HDAC9: variants seen among roughly 807,000 people sequenced by gnomAD.
HDAC9 encodes the protein MEF-2 interacting transcription repressor (MITR) protein.
Under a neutral mutation model 139.4 loss-of-function variants are expected in HDAC9, and 41 were observed. The observed-to-expected ratio is 0.29, with a 90% CI of 0.23 to 0.38. The LOEUF is 0.38. HDAC9 is among the 10% of genes least tolerant of loss of function. The pLI is 1.00. For synonymous variants in HDAC9, 517 were observed against 476.2 expected (o/e 1.09, Z -1.12); for missense variants, 1,147 against 1,297.0 (o/e 0.88, Z 1.78).
Position 18,998,797 on chromosome 7 carries a change from T to C in HDAC9, c.*2735T>C, listed in dbSNP as rs145444836. 1.3e-5 allele frequency: 2 copies of C among 152,344 alleles called. No individual in the cohort carries two copies. The highest frequency in any genetic ancestry group is 3.9e-4 in the East Asian group (2 of 5,190). 9.4% of individuals were successfully genotyped at this position (152,344 alleles called of 1,614,324 possible). Reference sequence around the variant, plus strand: ...TCACATACGCTCTCTCATGGTCTCATGGTATCTCATACAGGGTGAATAAAA... The same window carrying C: ...TCACATACGCTCTCTCATGGTCTCACGGTATCTCATACAGGGTGAATAAAA... On this transcript the variant is annotated 3_prime_UTR_variant, in exon 26 of 26. Coordinates refer to ENST00000686413, the MANE Select transcript of HDAC9 (RefSeq NM_178425.4).
At chr7:18,441,046 A>G (rs192371346) in intron 1 of HDAC9, among the ~76,000 whole-genome samples, 13 of 152,344 alleles carry the variant, frequency 8.5e-5, no homozygotes, top group East Asian at 5.8e-4. Context: ...TGGCAATTCA[A>G]TGGACTTCTC....
chr7:18,682,572 A>C (rs969062286), intron 12 of HDAC9, among the ~76,000 whole-genome samples: 1 of 152,068 alleles, frequency 6.6e-6, no homozygotes, highest in Non-Finnish European at 1.5e-5. Context: ...ATGTTCTCTA[A>C]ATAAAATATA....
intron 25 of HDAC9, among the ~76,000 whole-genome samples, chr7:18,978,753 A>C (rs903271552): frequency 6.6e-6 from 1 of 152,210 alleles, no homozygotes; most frequent in Non-Finnish European, 1.5e-5. Context: ...TTTGTTGACT[A>C]TCTGTTTCAA....
chr7:18,861,685 T>A (rs1404678559), intron 21 of HDAC9, among the ~76,000 whole-genome samples: 1 of 152,172 alleles, frequency 6.6e-6, no homozygotes, highest in African/African-American at 2.4e-5. Flanking sequence ...TGACACATCT[T>A]AGGCAAGGAA....
chr7:18,840,891 C>G (rs557741424), intron 21 of HDAC9, among the ~76,000 whole-genome samples: 2 of 152,170 alleles, frequency 1.3e-5, no homozygotes, highest in South Asian at 4.2e-4. Context: ...ATCATGGCTT[C>G]CGGGGATTCC....
chr7:18,378,916 ATGT>A (rs1471436955), intron 1 of HDAC9, among the ~76,000 whole-genome samples: 1 of 152,112 alleles, frequency 6.6e-6, no homozygotes, highest in Admixed American at 6.6e-5. Flanking sequence ...GTTTTATCTA[ATGT>A]TGTAATTGGT....
At chr7:18,193,155 A>G (rs1790475842) in intron 2 of HDAC9, among the ~76,000 whole-genome samples, 1 of 152,200 alleles carries the variant, frequency 6.6e-6, no homozygotes, top group Admixed American at 6.5e-5. Context: ...GTCTCTGAGC[A>G]CCATGTTGGA....
intron 2 of HDAC9, among the ~76,000 whole-genome samples, chr7:18,511,027 G>A (rs917567786): frequency 1.3e-5 from 2 of 152,174 alleles, no homozygotes; most frequent in African/African-American, 2.4e-5. Context: ...GAATTTTACA[G>A]CATAGGTGTT....
At chr7:18,984,156 T>C (rs1029490362) in intron 25 of HDAC9, among the ~76,000 whole-genome samples, 7 of 152,168 alleles carry the variant, frequency 4.6e-5, no homozygotes, top group Middle Eastern at 3.2e-3. Context: ...GTAAGCTCCT[T>C]ATGAATAGAA....
At chr7:18,266,543 A>G (rs568807214) in intron 2 of HDAC9, among the ~76,000 whole-genome samples, 2 of 152,296 alleles carry the variant, frequency 1.3e-5, no homozygotes, top group South Asian at 4.1e-4. Context: ...GTCCCATCTC[A>G]TCACACAGAA....
intron 1 of HDAC9, among the ~76,000 whole-genome samples, chr7:18,143,363 G>C (rs577522024): frequency 1.3e-5 from 2 of 152,034 alleles, no homozygotes; most frequent in African/African-American, 2.4e-5. Context: ...TGATGCTTTT[G>C]GTCAGTCTGA....
intron 1 of HDAC9, among the ~76,000 whole-genome samples, chr7:18,151,367 A>T (rs764983114): frequency 1.3e-5 from 2 of 152,178 alleles, no homozygotes; most frequent in Admixed American, 1.3e-4. Context: ...GGAGTTGCAG[A>T]TACTTTTGAT....
At chr7:18,392,278 CTCTCTCTCTCTG>C (rs1242556225) in intron 1 of HDAC9, among the ~76,000 whole-genome samples, 1 of 145,502 alleles carries the variant, frequency 6.9e-6, no homozygotes, top group East Asian at 2.1e-4. Context: ...CTGTCACTCT[CTCTCTCTCTCTG>C]TCTCTCTCTC....
intron 2 of HDAC9, among the ~76,000 whole-genome samples, chr7:18,528,250 A>C (rs762178768): frequency 7.0e-6 from 1 of 143,736 alleles, no homozygotes; most frequent in Non-Finnish European, 1.5e-5. Flanking sequence ...TTTTCCATGA[A>C]GTATTTTTTT....
In HDAC9 at chr7:18,549,896, G is replaced by T. The variant is rs577728231; in HGVS notation, c.23-35385G>T. Reference sequence around the variant, plus strand: ...TCCAAAATCATTTGTTTCTACTTTTGCAGGATTTTTTTTCTTCTTCCTCCT... The same window carrying T: ...TCCAAAATCATTTGTTTCTACTTTTTCAGGATTTTTTTTCTTCTTCCTCCT... On this transcript the variant is annotated intron_variant, in intron 2 of 25. Coordinates refer to ENST00000686413, the MANE Select transcript of HDAC9 (RefSeq NM_178425.4). 2.6e-5 allele frequency among the ~76,000 whole-genome samples: 4 copies of T among 151,400 alleles called. No individual in the cohort carries two copies. The South Asian group carries it at 6.2e-4, about 24-fold the overall frequency.
chr7:18,657,400 C>G (rs1016495819), intron 11 of HDAC9, among the ~76,000 whole-genome samples: 7 of 151,996 alleles, frequency 4.6e-5, no homozygotes, highest in African/African-American at 1.2e-4. Flanking sequence ...AGACCCATTC[C>G]CAAATCATCA....
At chr7:18,720,910 G>A (rs1310742798) in intron 12 of HDAC9, among the ~76,000 whole-genome samples, 1 of 151,742 alleles carries the variant, frequency 6.6e-6, no homozygotes, top group Non-Finnish European at 1.5e-5. Flanking sequence ...TGAACTCCTG[G>A]GCTCAAGCAT....
At chr7:18,268,737 G>A (rs1796158838) in intron 2 of HDAC9, among the ~76,000 whole-genome samples, 2 of 152,114 alleles carry the variant, frequency 1.3e-5, no homozygotes, top group Non-Finnish European at 2.9e-5. Context: ...TCCAGTAATG[G>A]GGGGTGGCTG....
In HDAC9 at chr7:18,647,916, G is replaced by A. The variant is rs1485779479; in HGVS notation, c.1167G>A (p.Lys389=). The change falls in exon 10 of 26, where the codon AAG becomes AAA. Residue 389 remains lysine, a synonymous_variant. Coordinates refer to ENST00000686413, the MANE Select transcript of HDAC9 (RefSeq NM_178425.4). ...ACCCTCATGTTACTTTAGAGGGAAA[G>A]CCACCCAACAGCAGCCACCAGGCTC... ...SSHPHVTLEG[K]PPNSSHQALL... is the part of the protein sequence containing the mutation. 1 of 1,612,858 alleles carries A rather than the reference G, an allele frequency of 6.2e-7. No individual in the cohort carries two copies. The highest frequency in any genetic ancestry group is 1.3e-5 in the African/African-American group (1 of 74,920).
Sources: allele counts gnomAD v4.1 joint callset (sites outside exome capture counted in the v4.1 genomes callset), GRCh38; gene constraint gnomAD v4.1.1; transcripts MANE v1.5; gene names NCBI Gene and HGNC (gene_info 2026-07-23, HGNC 2026-07-21).